ARHGAP17: variants seen among roughly 807,000 people sequenced by gnomAD.
ARHGAP17 encodes Rho GTPase activating protein 17, also known as rho GTPase-activating protein 17.
A neutral mutation model predicts 99.5 loss-of-function variants in ARHGAP17; 57 were observed. That is an observed-to-expected ratio of 0.57 (90% CI 0.46 to 0.71). The LOEUF (loss-of-function observed/expected upper bound fraction) is 0.71, where lower values mean the gene tolerates loss of function less well. ARHGAP17 is among the 30% of genes least tolerant of loss of function. The probability of loss-of-function intolerance (pLI) is 0.00; values close to 1 mark genes in which losing one functional copy is unlikely to be tolerated. For missense variants in ARHGAP17, 1,000 were observed against 1,122.4 expected (o/e 0.89, Z 1.56); for synonymous variants, 417 against 429.6 (o/e 0.97, Z 0.36).
At chr16:24,953,092 G>A in intron 10 of ARHGAP17, 50 bp from the exon 11 acceptor site, 1 of 1,548,818 alleles carries the variant, frequency 6.5e-7, no homozygotes, top group Non-Finnish European at 8.9e-7. Context: ...GGGACACTCA[G>A]ACTAAGTGGC....
intron 18 of ARHGAP17, 78 bp from the exon 19 acceptor site, chr16:24,931,482 ACAT>A (rs1234800524): frequency 7.2e-7 from 1 of 1,389,056 alleles, no homozygotes; most frequent in Admixed American, 2.8e-5. Context: ...CCCAAATTTA[ACAT>A]CACCAGTAAT....
chr16:24,943,858 G>C lies in ARHGAP17; in HGVS notation c.1246C>G (p.Leu416Val), dbSNP rs770629865. Residue 416 changes from leucine (L) to valine (V), a missense_variant, in exon 15 of 20, where the codon CTT (leucine) becomes GTT (valine). Around this residue, in one of 2 missense-constraint regions of ARHGAP17, gnomAD observed 472 missense variants for 611.1 expected, o/e 0.77. Transcript: ENST00000289968. ...GATGTGGCTGCTGCCATTTCAGCAA[G>C]TGTTCTGCAAAGCAAGTTCACAAAA... ...NLLWARNEGT[L>V]AEMAAATSVH... 2.5e-6 allele frequency: 4 copies of C among 1,614,146 alleles called. No individual in the cohort carries two copies. In the Admixed American group the frequency reaches 5.0e-5, roughly 20 times the overall value.
intron 14 of ARHGAP17, among the ~76,000 whole-genome samples, chr16:24,946,492 C>A (rs1443108397): frequency 6.6e-6 from 1 of 150,664 alleles, no homozygotes; most frequent in African/African-American, 2.4e-5. Flanking sequence ...GTTTCTTTAC[C>A]TCTGCTGCCG....
intron 14 of ARHGAP17, among the ~76,000 whole-genome samples, chr16:24,944,163 C>T (rs1031479464): frequency 1.3e-5 from 2 of 150,606 alleles, no homozygotes; most frequent in Non-Finnish European, 2.9e-5. Flanking sequence ...CCCAGCTACT[C>T]GGGAGGCTGA....
At chr16:24,969,526 T>C (rs2052296635) in intron 4 of ARHGAP17, among the ~76,000 whole-genome samples, 1 of 152,224 alleles carries the variant, frequency 6.6e-6, no homozygotes, top group South Asian at 2.1e-4. Flanking sequence ...GTCAGTATCC[T>C]CGTCTGTAAA....
chr16:24,978,341 C>T (rs900790808), intron 2 of ARHGAP17, among the ~76,000 whole-genome samples: 4 of 152,150 alleles, frequency 2.6e-5, no homozygotes, highest in Admixed American at 6.5e-5. Context: ...ATTTAATATT[C>T]GTTGAGAGGG....
chr16:24,970,098 T>C (rs2052315601), intron 4 of ARHGAP17, among the ~76,000 whole-genome samples: 1 of 152,202 alleles, frequency 6.6e-6, no homozygotes, highest in Admixed American at 6.5e-5. Context: ...ATACACTCTT[T>C]TTAGATAACT....
chr16:24,960,414 G>A (rs567183554), intron 7 of ARHGAP17, among the ~76,000 whole-genome samples: 2 of 152,116 alleles, frequency 1.3e-5, no homozygotes, highest in East Asian at 1.9e-4. Flanking sequence ...GCGTGGGGGC[G>A]GGCAGCTGTA....
At chr16:25,005,219 A>G (rs1432230975) in intron 1 of ARHGAP17, among the ~76,000 whole-genome samples, 1 of 152,254 alleles carries the variant, frequency 6.6e-6, no homozygotes, top group Non-Finnish European at 1.5e-5. Context: ...CCCAGCCTGA[A>G]TATTGTTTTT....
intron 1 of ARHGAP17, among the ~76,000 whole-genome samples, chr16:24,983,011 T>A (rs1380584931): frequency 1.7e-4 from 19 of 113,926 alleles, no homozygotes; most frequent in Non-Finnish European, 3.0e-4. Flanking sequence ...TTTTTTTTTT[T>A]TTTTTTTTTT....
At chr16:25,008,602 G>T (rs1597497020) in intron 1 of ARHGAP17, among the ~76,000 whole-genome samples, 2 of 152,134 alleles carry the variant, frequency 1.3e-5, no homozygotes, top group East Asian at 3.9e-4. Flanking sequence ...AATGATAAAG[G>T]TGAAACATCC....
At chr16:24,960,298 A>C (rs1208121748) in intron 7 of ARHGAP17, among the ~76,000 whole-genome samples, 1 of 152,240 alleles carries the variant, frequency 6.6e-6, no homozygotes, top group East Asian at 1.9e-4. Flanking sequence ...TAATCCCAGC[A>C]CTTTGGGAGG....
chr16:24,990,247 G>A (rs555637169), intron 1 of ARHGAP17, among the ~76,000 whole-genome samples: 1 of 152,320 alleles, frequency 6.6e-6, no homozygotes, highest in African/African-American at 2.4e-5. Flanking sequence ...CACTCTGGGA[G>A]GCCAAAGTGG....
At chr16:25,004,606 C>A (rs2141501425) in intron 1 of ARHGAP17, among the ~76,000 whole-genome samples, 1 of 152,252 alleles carries the variant, frequency 6.6e-6, no homozygotes, top group Non-Finnish European at 1.5e-5. Flanking sequence ...CATTTGAGCA[C>A]CTGTTTACTT....
intron 3 of ARHGAP17, among the ~76,000 whole-genome samples, chr16:24,975,088 T>C (rs1363030093): frequency 6.6e-6 from 1 of 152,176 alleles, no homozygotes; most frequent in Admixed American, 6.5e-5. Flanking sequence ...AGGAGGTTAA[T>C]GTTGCAATGG....
In ARHGAP17 at chr16:24,920,459, C is replaced by T. The variant is rs1489945319; in HGVS notation, c.2516-199G>A. On this transcript the variant is annotated intron_variant, in intron 19 of 19. Transcript: ENST00000289968. ...CCAGAGGGCAGCTGAGTAGCACAGC[C>T]TTGCCTCTGGGCTCCGACGTTGCTT... 14 of 578,110 alleles carry T rather than the reference C, an allele frequency of 2.4e-5. No individual in the cohort carries two copies. The East Asian group carries it at 2.6e-4, about 11-fold the overall frequency. 35.8% of individuals were successfully genotyped at this position (578,110 alleles called of 1,614,324 possible).
Position 24,978,992 on chromosome 16 carries a change from C to T in ARHGAP17, c.67G>A (p.Glu23Lys), listed in dbSNP as rs1259225312. 6 of 1,590,484 alleles carry T rather than the reference C, an allele frequency of 3.8e-6. No homozygotes were observed. The Admixed American group carries it at 1.1e-4, about 29-fold the overall frequency. Reference protein sequence around the residue: ...NQTVGRAEKTEVLSEDLLQIE... With the variant: ...NQTVGRAEKTKVLSEDLLQIE... ...TGTAATAGATCTTCACTAAGGACTT[C>T]TGTTTTCTCAGCTCTGTGGGAAAAA... Residue 23 changes from glutamate to lysine, a missense_variant, in exon 2 of 20, where the codon GAA becomes AAA. Glu to Lys is a moderately conservative substitution (Grantham distance 56). This residue lies in a region of ARHGAP17 where 472 missense variants were observed against 611.1 expected (regional missense o/e 0.77). Transcript: ENST00000289968.
At chr16:24,971,477 C>T (rs141752230) in intron 3 of ARHGAP17, among the ~76,000 whole-genome samples, 2 of 152,130 alleles carry the variant, frequency 1.3e-5, no homozygotes, top group African/African-American at 2.4e-5. Flanking sequence ...TGGGCATGCA[C>T]CACTTACACC....
At chr16:24,942,766 T>TC (rs2051353818) in intron 15 of ARHGAP17, among the ~76,000 whole-genome samples, 1 of 107,250 alleles carries the variant, frequency 9.3e-6, no homozygotes, top group Non-Finnish European at 1.7e-5. Flanking sequence ...AGACTCTGTC[T>TC]CAAAAAAAAA....
Sources: gnomAD v4.1 joint callset for allele counts (sites outside exome capture counted in the v4.1 genomes callset) on GRCh38, gnomAD v4.1.1 for gene constraint, gnomAD v4.1.1 regional missense constraint, MANE v1.5 for transcripts, NCBI Gene and HGNC (gene_info 2026-07-23, HGNC 2026-07-21) for gene names.